Variants in DARS1 observed in about 807,000 individuals in gnomAD.
DARS1 encodes aspartate--tRNA ligase, cytoplasmic.
In DARS1, 51 loss-of-function variants were observed where a neutral mutation model predicts 68.8. That is an observed-to-expected ratio of 0.74 (90% CI 0.59 to 0.94). The LOEUF is 0.94. Among genes scored for constraint, DARS1 ranks in the 40% least tolerant of loss-of-function variants. The pLI, the probability that DARS1 is intolerant of heterozygous loss-of-function variation, is 0.00. For synonymous variants in DARS1, 203 were observed against 190.4 expected (o/e 1.07, Z -0.55); for missense variants, 607 against 597.3 (o/e 1.02, Z -0.17).
chr2:135,938,667 C>A (rs1458892365), intron 5 of DARS1, among the ~76,000 whole-genome samples: 1 of 152,134 alleles, frequency 6.6e-6, no homozygotes, highest in Non-Finnish European at 1.5e-5. Context: ...ACAATATTAA[C>A]CTTAAATGTA....
At chr2:135,924,544 C>G (rs745799523) in intron 7 of DARS1, 46 bp from the exon 8 acceptor site, 2 of 1,578,382 alleles carry the variant, frequency 1.3e-6, no homozygotes, top group Non-Finnish European at 1.7e-6. Flanking sequence ...TACTTAATTA[C>G]TAAGCACTAA....
At chr2:135,980,255 T>A (rs1682593190) in intron 2 of DARS1, among the ~76,000 whole-genome samples, 1 of 152,250 alleles carries the variant, frequency 6.6e-6, no homozygotes, top group Non-Finnish European at 1.5e-5. Flanking sequence ...TATGTAAAGA[T>A]GTGTATACAA....
At chr2:135,918,857 T>A (rs1681054739) in intron 10 of DARS1, among the ~76,000 whole-genome samples, 1 of 152,218 alleles carries the variant, frequency 6.6e-6, no homozygotes, top group Non-Finnish European at 1.5e-5. Flanking sequence ...AGTTGTTCCA[T>A]GAACCATTGA....
intron 7 of DARS1, among the ~76,000 whole-genome samples, chr2:135,926,510 C>T (rs1212941008): frequency 3.3e-5 from 5 of 152,038 alleles, no homozygotes; most frequent in African/African-American, 1.2e-4. Flanking sequence ...GATTTACATA[C>T]TGGAGAATAT....
intron 4 of DARS1, among the ~76,000 whole-genome samples, chr2:135,953,918 T>C (rs915003492): frequency 6.6e-6 from 1 of 151,622 alleles, no homozygotes; most frequent in Admixed American, 6.6e-5. Flanking sequence ...TTTTTATTTA[T>C]TTATTTAATT....
intron 3 of DARS1, among the ~76,000 whole-genome samples, chr2:135,968,274 T>A (rs1404456937): frequency 6.6e-6 from 1 of 152,010 alleles, no homozygotes; most frequent in Non-Finnish European, 1.5e-5. Flanking sequence ...AAAAAATAAA[T>A]AAAGATAATC....
At chr2:135,973,068 T>A (rs1396332950) in intron 3 of DARS1, among the ~76,000 whole-genome samples, 1 of 152,222 alleles carries the variant, frequency 6.6e-6, no homozygotes, top group African/African-American at 2.4e-5. Flanking sequence ...ATCCCACTGT[T>A]GGGTATATAC....
chr2:135,962,051 G>A (rs1472083362), intron 3 of DARS1, among the ~76,000 whole-genome samples: 1 of 152,032 alleles, frequency 6.6e-6, no homozygotes, highest in African/African-American at 2.4e-5. Context: ...CATGTTCTAC[G>A]TTCTTCATTT....
rs183110691 is a variant in DARS1 at position 135,908,535 on chromosome 2, T to C, written c.1415-1128A>G. Among the ~76,000 whole-genome samples, 125 of 152,356 alleles carry C rather than the reference T, an allele frequency of 8.2e-4. 1 individual carries two copies. Among genetic ancestry groups the C allele is most frequent in the African/African-American group, 2.9e-3 (120 of 41,588 alleles). ...ATTAATTTAAAATTCCCACCAACAGTGTAAAAGCATTCCTATTTCTCTGCA... is the reference window on the plus strand; with the variant it reads ...ATTAATTTAAAATTCCCACCAACAGCGTAAAAGCATTCCTATTTCTCTGCA... On this transcript the variant is annotated intron_variant, in intron 15 of 15. Transcript: ENST00000264161.
At chr2:135,982,425 A>G (rs944811372) in intron 2 of DARS1, among the ~76,000 whole-genome samples, 1 of 151,678 alleles carries the variant, frequency 6.6e-6, no homozygotes, top group Non-Finnish European at 1.5e-5. Flanking sequence ...GTGAAACCCC[A>G]TCTCTACTAA....
chr2:135,935,024 C>T (rs1290521584), intron 5 of DARS1, among the ~76,000 whole-genome samples: 4 of 151,814 alleles, frequency 2.6e-5, no homozygotes, highest in African/African-American at 4.8e-5. Flanking sequence ...CTCGTGACCT[C>T]GTGATCTGCC....
intron 12 of DARS1, among the ~76,000 whole-genome samples, chr2:135,913,650 C>T (rs1316940472): frequency 1.3e-5 from 2 of 151,354 alleles, no homozygotes; most frequent in Non-Finnish European, 2.9e-5. Flanking sequence ...CCCAGCTACT[C>T]GGGAGGCTGA....
At chr2:135,941,980 C>T (rs1455761602) in intron 5 of DARS1, among the ~76,000 whole-genome samples, 13 of 152,156 alleles carry the variant, frequency 8.5e-5, no homozygotes, top group Admixed American at 5.9e-4. Flanking sequence ...GTTAGAATGG[C>T]GATCATTAAA....
chr2:135,956,473 G>T, intron 4 of DARS1, among the ~76,000 whole-genome samples: 1 of 152,320 alleles, frequency 6.6e-6, no homozygotes, highest in East Asian at 1.9e-4. Flanking sequence ...AGCTATGGCG[G>T]GTGATCAGAT....
chr2:135,975,547 A>C (rs661562), intron 3 of DARS1, among the ~76,000 whole-genome samples: 3,460 of 152,112 alleles, frequency 0.023, 110 homozygotes, highest in African/African-American at 0.078. Flanking sequence ...TAATCCCAGC[A>C]CTTTGGGAGG....
In DARS1 at chr2:135,912,559, G is replaced by A. The variant is rs750729481; in HGVS notation, c.1157C>T (p.Thr386Ile). Residue 386 changes from threonine (T) to isoleucine (I), a missense_variant, in exon 13 of 16, where the codon ACA (threonine) becomes ATA (isoleucine). Transcript: ENST00000264161. ...LGHLVKEKYD[T>I]DFYILDKYPL... Reference sequence around the variant, plus strand: ...ATATTTATCAAGAATATAAAAATCTGTATCATACTATAAAAAGAATAAATG... The same window carrying A: ...ATATTTATCAAGAATATAAAAATCTATATCATACTATAAAAAGAATAAATG... The A allele has an allele frequency of 2.3e-6, 2 of 882,486 alleles. No homozygotes were observed. Among genetic ancestry groups the A allele is most frequent in the South Asian group, 2.9e-5 (2 of 68,388 alleles). The allele number at this position is 882,486 out of a possible 1,614,324, so 54.7% of individuals were successfully genotyped here.
chr2:135,937,825 C>G (rs1681503430), intron 5 of DARS1, among the ~76,000 whole-genome samples: 2 of 152,216 alleles, frequency 1.3e-5, no homozygotes, highest in Admixed American at 1.3e-4. Flanking sequence ...GGCCCCCACT[C>G]TCTTCTGGCT....
chr2:135,984,579 G>A (rs1682725090), intron 1 of DARS1, among the ~76,000 whole-genome samples: 1 of 152,148 alleles, frequency 6.6e-6, no homozygotes, highest in African/African-American at 2.4e-5. Context: ...TTGTGTGAAG[G>A]ACAAAAAAGT....
chr2:135,941,785 T>C (rs1222278442), intron 5 of DARS1, among the ~76,000 whole-genome samples: 2 of 152,118 alleles, frequency 1.3e-5, no homozygotes, highest in Non-Finnish European at 2.9e-5. Flanking sequence ...ATATTCAGAA[T>C]CTACAATGAA....
Sources: gnomAD v4.1 joint callset for allele counts (sites outside exome capture counted in the v4.1 genomes callset) on GRCh38, gnomAD v4.1.1 for gene constraint, MANE v1.5 for transcripts, NCBI Gene and HGNC (gene_info 2026-07-23, HGNC 2026-07-21) for gene names.